TIMP2: variants seen among roughly 807,000 people sequenced by gnomAD.
TIMP2 encodes the protein metalloproteinase inhibitor 2.
Under a neutral mutation model 24.3 loss-of-function variants are expected in TIMP2, and 5 were observed. That is an observed-to-expected ratio of 0.21 (90% CI 0.11 to 0.43). TIMP2 has a LOEUF of 0.43. Among genes scored for constraint, TIMP2 ranks in the 20% least tolerant of loss-of-function variants. The probability of loss-of-function intolerance (pLI) is 1.00; values close to 1 mark genes in which losing one functional copy is unlikely to be tolerated. For synonymous variants in TIMP2, 130 were observed against 123.2 expected, an observed-to-expected ratio of 1.06 and a Z score of -0.37; for missense variants, 221 against 297.5, an observed-to-expected ratio of 0.74 and a Z score of 1.89.
intron 1 of TIMP2, among the ~76,000 whole-genome samples, chr17:78,877,994 C>T (rs941619991): frequency 6.6e-6 from 1 of 152,178 alleles, no homozygotes; most frequent in Non-Finnish European, 1.5e-5. Context: ...GCATGAGCTA[C>T]CGCGCCCGGC....
At chr17:78,900,662 G>A (rs996845192) in intron 1 of TIMP2, among the ~76,000 whole-genome samples, 4 of 152,176 alleles carry the variant, frequency 2.6e-5, no homozygotes, top group Non-Finnish European at 5.9e-5. Flanking sequence ...CAAAGCTGTG[G>A]GCATCCCCGG....
In TIMP2 at chr17:78,873,840, C is replaced by A; in HGVS notation, c.210G>T (p.Gln70His). The part of the protein sequence containing the change: ...DIYGNPIKRI[Q>H]YEIKQIKMFK... ...TTACCTTTATCTGCTTGATCTCATA[C>A]TGGATCCTCTTGATAGGGTTGCCAT... The change falls in exon 2 of 5, where the codon CAG becomes CAT. Residue 70 changes from glutamine (Q) to histidine (H), a missense_variant. Coordinates refer to ENST00000262768, the MANE Select transcript of TIMP2 (RefSeq NM_003255.5). 2 of 1,613,122 alleles carry A rather than the reference C, an allele frequency of 1.2e-6. No individual in the cohort carries two copies. Among genetic ancestry groups the A allele is most frequent in the Non-Finnish European group, 1.7e-6 (2 of 1,179,960 alleles).
chr17:78,906,784 T>C (rs2070162619), intron 1 of TIMP2, among the ~76,000 whole-genome samples: 1 of 152,156 alleles, frequency 6.6e-6, no homozygotes, highest in African/African-American at 2.4e-5. Context: ...GGTTTTACCA[T>C]GTTGGCCAGG....
Position 78,896,799 on chromosome 17 carries a change from G to T in TIMP2, c.131-22880C>A. Reference sequence around the variant, plus strand: ...TCCCACAGAGCGGAGTGGACACTGGGCCCATTCTCCTCTCTTGCTCTCTAC... The same window carrying T: ...TCCCACAGAGCGGAGTGGACACTGGTCCCATTCTCCTCTCTTGCTCTCTAC... On this transcript the variant is annotated intron_variant, in intron 1 of 4. Transcript: ENST00000262768. This position sits in a 1 kb window ranked among gnomAD's most constrained non-coding sequence, Gnocchi z 4.4. 2.2e-6 allele frequency: 1 copy of T among 446,510 alleles called. No homozygotes were observed. The allele number at this position is 446,510 out of a possible 1,614,324, so 27.7% of individuals were successfully genotyped here. A position where few individuals can be genotyped will look rare whatever the true frequency, so the allele number is the denominator to read the frequency against.
chr17:78,891,263 GCCT>G lies in TIMP2; in HGVS notation c.131-17347_131-17345del, dbSNP rs1418100892. The stretch of plus-strand genomic sequence containing the variant: ...GTCGGTCTTGGACGCTGCCTGCTGC[GCCT>G]CCTCCTCTGCTGGGCTCCTGGGTTC... On this transcript the variant is annotated intron_variant, in intron 1 of 4. Coordinates refer to ENST00000262768, the MANE Select transcript of TIMP2 (RefSeq NM_003255.5). This position sits in a 1 kb window ranked among gnomAD's most constrained non-coding sequence, Gnocchi z 4.5. 1 of 1,550,442 alleles carries G rather than the reference GCCT, an allele frequency of 6.4e-7. No homozygotes were observed. The highest frequency in any genetic ancestry group is 8.7e-7 in the Non-Finnish European group (1 of 1,147,000).
rs749621400 is a variant in TIMP2 at position 78,855,841 on chromosome 17, C to T, written c.489G>A (p.Pro163=). ...ECKITRCPMI[P]CYISSPDECL... Reference sequence around the variant, plus strand: ...ACTCGTCCGGGGAGGAGATGTAGCACGGGATCATGGGGCAGCGCGTGATCT... The same window carrying T: ...ACTCGTCCGGGGAGGAGATGTAGCATGGGATCATGGGGCAGCGCGTGATCT... The change falls in exon 5 of 5, where the codon CCG becomes CCA. Residue 163 remains proline (P), a synonymous_variant. Coordinates refer to ENST00000262768, the MANE Select transcript of TIMP2 (RefSeq NM_003255.5). The surrounding 1 kb of genome is among the most constrained non-coding windows in gnomAD (Gnocchi z 6.0). 6.8e-6 allele frequency: 11 copies of T among 1,613,886 alleles called. No individual in the cohort carries two copies. The highest frequency in any genetic ancestry group is 2.7e-5 in the African/African-American group (2 of 74,880).
Position 78,867,744 on chromosome 17 carries a change from C to T in TIMP2, c.340+3154G>A, listed in dbSNP as rs563316544. ...TTGAGTAGCTGGGACTACAGGCGCC[C>T]GCCACCACGCCCGGCTAATTTTTTT... On this transcript the variant is annotated intron_variant, in intron 3 of 4. Coordinates refer to ENST00000262768, the MANE Select transcript of TIMP2 (RefSeq NM_003255.5). Among the ~76,000 whole-genome samples, 15 of 151,678 alleles carry T rather than the reference C, an allele frequency of 9.9e-5. No individual in the cohort carries two copies. In the East Asian group the frequency reaches 1.4e-3, roughly 14 times the overall value.
rs1032457289 is a variant in TIMP2 at position 78,892,518 on chromosome 17, G to A, written c.131-18599C>T. On this transcript the variant is annotated intron_variant, in intron 1 of 4. Coordinates refer to ENST00000262768, the MANE Select transcript of TIMP2 (RefSeq NM_003255.5). The stretch of plus-strand genomic sequence containing the variant: ...GATCGCTCCCAGGAGAGTGAGCAAA[G>A]CCCTGGAGACAAGCACACGGGATTC... 1.1e-5 allele frequency: 17 copies of A among 1,485,180 alleles called. No individual in the cohort carries two copies. The Admixed American group carries it at 1.4e-4, about 13-fold the overall frequency. 92.0% of individuals were successfully genotyped at this position (1,485,180 alleles called of 1,614,324 possible).
chr17:78,924,476 C>T lies in TIMP2; in HGVS notation c.130+483G>A, dbSNP rs1327744262. ...CACCCTGGCTTGATCGGGGAGCCCC[C>T]AAATGGGGCTGGTGGGAGAAGCCCC... On this transcript the variant is annotated intron_variant, in intron 1 of 4. Coordinates refer to ENST00000262768, the MANE Select transcript of TIMP2 (RefSeq NM_003255.5). The surrounding 1 kb of genome is among the most constrained non-coding windows in gnomAD (Gnocchi z 5.3). Among the ~76,000 whole-genome samples the T allele has an allele frequency of 6.6e-6, 1 of 152,180 alleles. No homozygotes were observed. Among genetic ancestry groups the T allele is most frequent in the Non-Finnish European group, 1.5e-5 (1 of 68,020 alleles).
intron 1 of TIMP2, among the ~76,000 whole-genome samples, chr17:78,894,400 T>C (rs552925253): frequency 3.3e-5 from 5 of 152,010 alleles, no homozygotes; most frequent in African/African-American, 1.2e-4. Context: ...GTAAATCAGA[T>C]CACACAATTA....
At position 78,890,203 on chromosome 17, in the gene TIMP2, CTTT is replaced by C. The variant is rs879844069; in HGVS notation, c.131-16287_131-16285del. Among the ~76,000 whole-genome samples the C allele has an allele frequency of 2.5e-3, 329 of 134,254 alleles. 1 individual carries two copies. The highest frequency in any genetic ancestry group is 9.2e-3 in the African/African-American group (322 of 35,050). The allele number at this position is 134,254 out of a possible 152,430, so 88.1% of individuals were successfully genotyped here. On this transcript the variant is annotated intron_variant, in intron 1 of 4. Coordinates refer to ENST00000262768, the MANE Select transcript of TIMP2 (RefSeq NM_003255.5). ...TGGAGGACGGTATAATGACAGATTG[CTTT>C]TTTTTTTTTTTTTTGAGACGAGTCT... is the stretch of plus-strand genomic sequence containing the variant.
chr17:78,861,201 G>A (rs1168031973), intron 3 of TIMP2, among the ~76,000 whole-genome samples: 3 of 152,134 alleles, frequency 2.0e-5, no homozygotes, highest in Admixed American at 6.6e-5. Context: ...CAGGTATACC[G>A]CAGCCCCTTC....
At position 78,853,502 on chromosome 17, in the gene TIMP2, A is replaced by G. The variant is rs899924554; in HGVS notation, c.*2165T>C. The G allele has an allele frequency of 2.6e-5, 4 of 152,208 alleles. No individual in the cohort carries two copies. The highest frequency in any genetic ancestry group is 5.9e-5 in the Non-Finnish European group (4 of 68,020). The allele number at this position is 152,208 out of a possible 1,614,324, so 9.4% of individuals were successfully genotyped here. On this transcript the variant is annotated 3_prime_UTR_variant, in exon 5 of 5. Transcript: ENST00000262768. ...ACCAACGTGTGTGGATCAAATATAA[A>G]GGCCACACCTTTCAGACCGAACCTA...
chr17:78,858,459 A>T (rs1199665883), intron 3 of TIMP2, among the ~76,000 whole-genome samples: 4 of 151,948 alleles, frequency 2.6e-5, no homozygotes, highest in Non-Finnish European at 5.9e-5. Flanking sequence ...AAAAAAAAAA[A>T]GAAAAGAAAA....
chr17:78,881,969 CTCT>C (rs1555649703), intron 1 of TIMP2, among the ~76,000 whole-genome samples: 12 of 151,652 alleles, frequency 7.9e-5, no homozygotes, highest in Non-Finnish European at 1.6e-4. Context: ...GCTCCATATC[CTCT>C]TTTTTTTTTG....
chr17:78,869,293 C>G (rs561310061), intron 3 of TIMP2, among the ~76,000 whole-genome samples: 2 of 151,748 alleles, frequency 1.3e-5, no homozygotes, highest in African/African-American at 4.8e-5. Context: ...GTGGCACACA[C>G]CTGTAGTTGA....
Position 78,855,562 on chromosome 17 carries a change from G to T in TIMP2, c.*105C>A. The T allele has an allele frequency of 8.0e-7, 1 of 1,257,120 alleles. No individual in the cohort carries two copies. Among genetic ancestry groups the T allele is most frequent in the Non-Finnish European group, 1.1e-6 (1 of 903,420 alleles). 77.9% of individuals were successfully genotyped at this position (1,257,120 alleles called of 1,614,324 possible). A position where few individuals can be genotyped will look rare whatever the true frequency, so the allele number is the denominator to read the frequency against. On this transcript the variant is annotated 3_prime_UTR_variant, in exon 5 of 5. Transcript: ENST00000262768. The surrounding 1 kb of genome is among the most constrained non-coding windows in gnomAD (Gnocchi z 6.0). ...TCATATTAATTTGGACCCATGGGAT[G>T]AGTGTTTTATTCATGCTGTTTCCAG...
rs2070000057 is a variant in TIMP2, at chr17:78,896,401, G to A, written c.131-22482C>T. Among the ~76,000 whole-genome samples the A allele has an allele frequency of 6.6e-6, 1 of 152,202 alleles. No homozygotes were observed. Among genetic ancestry groups the A allele is most frequent in the Non-Finnish European group, 1.5e-5 (1 of 68,048 alleles). On this transcript the variant is annotated intron_variant, in intron 1 of 4. Transcript: ENST00000262768. The surrounding 1 kb of genome is among the most constrained non-coding windows in gnomAD (Gnocchi z 4.4). ...GTGTCTCTCCAGCCCTGCCAGACAGGACGTCGGGTGCCCTTGGCAGGACAC... is the reference window on the plus strand; with the variant it reads ...GTGTCTCTCCAGCCCTGCCAGACAGAACGTCGGGTGCCCTTGGCAGGACAC...
chr17:78,918,551 C>T (rs2070283256), intron 1 of TIMP2, among the ~76,000 whole-genome samples: 1 of 152,228 alleles, frequency 6.6e-6, no homozygotes, highest in Non-Finnish European at 1.5e-5. Context: ...GTCTGCCCGC[C>T]TTCCCTCCTC....
Sources: allele counts gnomAD v4.1 joint callset (sites outside exome capture counted in the v4.1 genomes callset), GRCh38; gene constraint gnomAD v4.1.1; non-coding constraint Gnocchi (gnomAD v3.1); transcripts MANE v1.5; gene names NCBI Gene and HGNC (gene_info 2026-07-23, HGNC 2026-07-21).